The following SHC4 variants were observed in gnomAD, a reference collection of about 807,000 sequenced individuals.
The protein encoded by SHC4 is SHC adaptor protein 4.
SHC4 carries 41 observed loss-of-function variants against 69.4 expected under a neutral mutation model. The ratio of observed to expected loss-of-function variants is 0.59; its 90% CI spans 0.46 to 0.77. The LOEUF is 0.77. SHC4 is among the 30% of genes least tolerant of loss of function. The pLI is 0.00. For missense variants in SHC4, 777 were observed against 783.8 expected (o/e 0.99, Z 0.10); for synonymous variants, 318 against 299.3 (o/e 1.06, Z -0.64).
rs1207001420 is a variant in SHC4 at position 48,884,292 on chromosome 15, T to C, written c.796A>G (p.Ile266Val). ...QFSGMNIKLT[I>V]STCSLTLMNL... is the part of the protein sequence containing the mutation. Reference sequence around the variant, plus strand: ...ATCAATGTGAGACTGCATGTTGAGATGGTCAGTTTTATATTCATTCCTGAA... The same window carrying C: ...ATCAATGTGAGACTGCATGTTGAGACGGTCAGTTTTATATTCATTCCTGAA... Residue 266 changes from isoleucine (I) to valine (V), a missense_variant, in exon 4 of 12, where the codon ATC (isoleucine) becomes GTC (valine). By Grantham distance (29) the Ile-to-Val change is conservative (BLOSUM62 3). Coordinates refer to ENST00000332408, the MANE Select transcript of SHC4 (RefSeq NM_203349.4). The C allele has an allele frequency of 1.3e-5, 21 of 1,611,294 alleles. No homozygotes were observed. The highest frequency in any genetic ancestry group is 5.3e-5 in the African/African-American group (4 of 74,908).
intron 6 of SHC4, among the ~76,000 whole-genome samples, chr15:48,862,558 G>A (rs1899466859): frequency 6.6e-6 from 1 of 152,082 alleles, no homozygotes; most frequent in Admixed American, 6.5e-5. Flanking sequence ...AGGAAGAGTG[G>A]GAAGCTTCGG....
At chr15:48,844,934 T>C (rs1899058931) in intron 9 of SHC4, among the ~76,000 whole-genome samples, 1 of 152,240 alleles carries the variant, frequency 6.6e-6, no homozygotes, top group South Asian at 2.1e-4. Context: ...TTACCCAGTC[T>C]TGGGTATGTC....
chr15:48,878,435 C>G, intron 4 of SHC4: 1 of 1,612,806 alleles, frequency 6.2e-7, no homozygotes, highest in Non-Finnish European at 8.5e-7. Context: ...GCAGCCAGGC[C>G]AGGTGGCGGG....
intron 11 of SHC4, among the ~76,000 whole-genome samples, chr15:48,831,290 G>A (rs926120373): frequency 6.6e-6 from 1 of 152,156 alleles, no homozygotes; most frequent in Admixed American, 6.5e-5. Context: ...TGGTCTAAGT[G>A]CATAGTGTTT....
chr15:48,867,785 C>T (rs776650096), intron 6 of SHC4, 33 bp downstream of exon 6: 1 of 1,599,196 alleles, frequency 6.3e-7, no homozygotes. Context: ...TATATACCAG[C>T]TCTTTAAAAA....
chr15:48,962,478 G>A lies in SHC4; in HGVS notation c.538C>T (p.His180Tyr). ...EPTLRSRQDRHFLQHLLGMGM... is the reference protein window; with the variant it reads ...EPTLRSRQDRYFLQHLLGMGM... ...ATCCCCAACAGGTGCTGTAGAAAGT[G>A]CCTGTCCTGCCTGCTCCTAAGTGTT... Residue 180 changes from histidine (H) to tyrosine (Y), a missense_variant, in exon 1 of 12, where the codon CAC becomes TAC. Coordinates refer to ENST00000332408, the MANE Select transcript of SHC4 (RefSeq NM_203349.4). 2 of 1,538,594 alleles carry A rather than the reference G, an allele frequency of 1.3e-6. No individual in the cohort carries two copies. Among genetic ancestry groups the A allele is most frequent in the Non-Finnish European group, 1.7e-6 (2 of 1,144,794 alleles).
At chr15:48,906,458 C>T (rs541110551) in intron 2 of SHC4, among the ~76,000 whole-genome samples, 1 of 151,840 alleles carries the variant, frequency 6.6e-6, no homozygotes, top group African/African-American at 2.4e-5. Context: ...TCCCCCATTT[C>T]CCCCTACTCT....
intron 3 of SHC4, among the ~76,000 whole-genome samples, chr15:48,890,535 C>T (rs957939645): frequency 3.9e-5 from 6 of 152,182 alleles, no homozygotes; most frequent in African/African-American, 1.4e-4. Context: ...TTTCTCCCCT[C>T]TGCAGCTGGA....
At chr15:48,831,441 C>G (rs563145961) in intron 11 of SHC4, among the ~76,000 whole-genome samples, 43 of 152,246 alleles carry the variant, frequency 2.8e-4, no homozygotes, top group African/African-American at 9.6e-4. Context: ...CATTTCAAAT[C>G]TTTTATATCC....
Position 48,962,909 on chromosome 15 carries a change from T to C in SHC4, c.107A>G (p.Glu36Gly), listed in dbSNP as rs201551255. 6.2e-7 allele frequency: 1 copy of C among 1,613,348 alleles called. No homozygotes were observed. The highest frequency in any genetic ancestry group is 8.5e-7 in the Non-Finnish European group (1 of 1,180,022). The change falls in exon 1 of 12, where the codon GAG becomes GGG. Residue 36 changes from glutamate (E) to glycine (G), a missense_variant. Glu to Gly is a moderately conservative substitution (Grantham distance 98). Transcript: ENST00000332408. ...HRAKYSRFRN[E>G]SITSLDEGSS... ...ACCTTCGTCCAAGGACGTGATCGAC[T>C]CGTTCCGAAAGCGGCTGTACTTGGC...
intron 3 of SHC4, among the ~76,000 whole-genome samples, chr15:48,886,155 G>T (rs866219863): frequency 6.6e-6 from 1 of 152,140 alleles, no homozygotes; most frequent in Non-Finnish European, 1.5e-5. Context: ...TACTGAGGAG[G>T]CTGAGGTAGG....
intron 1 of SHC4, among the ~76,000 whole-genome samples, chr15:48,954,134 A>G (rs899638839): frequency 6.6e-6 from 1 of 152,138 alleles, no homozygotes; most frequent in African/African-American, 2.4e-5. Context: ...GGACCTCACA[A>G]TTCTGTGTTG....
At chr15:48,866,286 A>G (rs1200908840) in intron 6 of SHC4, among the ~76,000 whole-genome samples, 1 of 151,908 alleles carries the variant, frequency 6.6e-6, no homozygotes, top group Admixed American at 6.6e-5. Context: ...TCTCCTGCAC[A>G]CTCTTTGACC....
At chr15:48,852,935 TAAATAAATAAAATA>T (rs954288004) in intron 8 of SHC4, among the ~76,000 whole-genome samples, 1 of 146,880 alleles carries the variant, frequency 6.8e-6, no homozygotes, top group African/African-American at 2.5e-5. Flanking sequence ...AATAAATAAA[TAAATAAATAAAATA>T]AAAATAAAAA....
intron 5 of SHC4, among the ~76,000 whole-genome samples, chr15:48,870,930 C>G (rs1458643773): frequency 1.3e-5 from 2 of 152,162 alleles, no homozygotes; most frequent in African/African-American, 4.8e-5. Context: ...AATTATTTCT[C>G]CCCCATTGAA....
chr15:48,887,164 G>A (rs1397264479), intron 3 of SHC4, among the ~76,000 whole-genome samples: 1 of 152,022 alleles, frequency 6.6e-6, no homozygotes, highest in Non-Finnish European at 1.5e-5. Context: ...ACTCCAAACT[G>A]CTAATGATGC....
At chr15:48,891,253 C>CTA (rs141150178) in intron 2 of SHC4, among the ~76,000 whole-genome samples, 13,980 of 152,040 alleles carry the variant, frequency 0.092, 1,278 homozygotes, top group East Asian at 0.29. Context: ...GAACCTGACA[C>CTA]GAGAAAATTT....
chr15:48,878,799 T>A, intron 4 of SHC4: 2 of 1,493,070 alleles, frequency 1.3e-6, no homozygotes, highest in Non-Finnish European at 9.1e-7. Flanking sequence ...TTCCGCTATC[T>A]TTTGGGTTCA....
chr15:48,851,967 T>A, intron 8 of SHC4, among the ~76,000 whole-genome samples: 1 of 152,194 alleles, frequency 6.6e-6, no homozygotes, highest in East Asian at 1.9e-4. Context: ...TCCTAGGTCT[T>A]GAAGACTGAA....
Sources: gnomAD v4.1 joint callset for allele counts (sites outside exome capture counted in the v4.1 genomes callset) on GRCh38, gnomAD v4.1.1 for gene constraint, MANE v1.5 for transcripts, NCBI Gene and HGNC (gene_info 2026-07-23, HGNC 2026-07-21) for gene names.